PALLD: variants seen among roughly 807,000 people sequenced by gnomAD.
PALLD encodes the protein palladin.
PALLD carries 61 observed loss-of-function variants against 123.5 expected under a neutral mutation model. That is an observed-to-expected ratio of 0.49 (90% CI 0.40 to 0.61). The LOEUF is 0.61. PALLD is among the 20% of genes least tolerant of loss of function. PALLD has a pLI of 0.00. For missense variants in PALLD, 1,273 were observed against 1,377.0 expected, an observed-to-expected ratio of 0.92 and a Z score of 1.20; for synonymous variants, 465 against 496.4, an observed-to-expected ratio of 0.94 and a Z score of 0.84.
chr4:168,600,160 T>A (rs551420487), intron 2 of PALLD, among the ~76,000 whole-genome samples: 148 of 149,332 alleles, frequency 9.9e-4, no homozygotes, highest in Admixed American at 2.2e-3. Flanking sequence ...CTATATAAAC[T>A]GTGTTTGTGT....
chr4:168,713,407 C>T (rs560704375), intron 10 of PALLD, among the ~76,000 whole-genome samples: 1 of 152,210 alleles, frequency 6.6e-6, no homozygotes, highest in Non-Finnish European at 1.5e-5. Flanking sequence ...GGGACCTGCT[C>T]TCCAGGGAGA....
rs189711145 is a variant in PALLD at position 168,657,715 on chromosome 4, G to A, written c.909-10475G>A. ...AATAGGAACAGGCACCTGAGACTAG[G>A]CATGTTCAAAATGGCAGCTCCACCT... On this transcript the variant is annotated intron_variant, in intron 2 of 21. Coordinates refer to ENST00000505667, the MANE Select transcript of PALLD (RefSeq NM_001166108.2). 2.0e-5 allele frequency among the ~76,000 whole-genome samples: 3 copies of A among 152,316 alleles called. No individual in the cohort carries two copies. The East Asian group carries it at 5.8e-4, about 29-fold the overall frequency.
intron 10 of PALLD, among the ~76,000 whole-genome samples, chr4:168,792,803 G>A (rs1446775114): frequency 1.4e-5 from 2 of 148,098 alleles, no homozygotes; most frequent in Non-Finnish European, 3.0e-5. Context: ...GTCTCACTCT[G>A]TCACCCAGGC....
intron 14 of PALLD, among the ~76,000 whole-genome samples, chr4:168,902,163 A>C (rs1361330481): frequency 6.6e-6 from 1 of 152,208 alleles, no homozygotes; most frequent in Non-Finnish European, 1.5e-5. Context: ...CAGACAGTTG[A>C]ATTTGAATGT....
intron 2 of PALLD, among the ~76,000 whole-genome samples, chr4:168,514,871 C>A (rs1762850529): frequency 6.6e-6 from 1 of 152,124 alleles, no homozygotes; most frequent in Admixed American, 6.5e-5. Context: ...TTCACTTAAC[C>A]ATTTGGTGAT....
intron 2 of PALLD, among the ~76,000 whole-genome samples, chr4:168,627,297 G>A (rs1195843995): frequency 6.6e-6 from 1 of 152,114 alleles, no homozygotes; most frequent in Admixed American, 6.5e-5. Flanking sequence ...ATCACCTGAG[G>A]TCAGGAGTTC....
At chr4:168,677,221 G>T (rs1780946930) in intron 3 of PALLD, among the ~76,000 whole-genome samples, 1 of 151,398 alleles carries the variant, frequency 6.6e-6, no homozygotes, top group Admixed American at 6.6e-5. Context: ...GCAGATGACT[G>T]AAGTGGGAAC....
intron 16 of PALLD, among the ~76,000 whole-genome samples, chr4:168,914,357 C>T (rs1455564482): frequency 6.6e-6 from 1 of 152,212 alleles, no homozygotes; most frequent in Admixed American, 6.5e-5. Context: ...GGAAACCAAA[C>T]TTCTGTAACC....
chr4:168,653,631 G>A (rs1406385665), intron 2 of PALLD, among the ~76,000 whole-genome samples: 2 of 152,210 alleles, frequency 1.3e-5, no homozygotes, highest in Non-Finnish European at 2.9e-5. Flanking sequence ...TGATCCACAA[G>A]ACAACCTTTG....
chr4:168,922,102 T>TACACAC lies in PALLD; in HGVS notation c.3058+398_3058+403dup, dbSNP rs35503011. Among the ~76,000 whole-genome samples, 289 of 132,622 alleles carry TACACAC rather than the reference T, an allele frequency of 2.2e-3. 1 individual carries two copies. Among genetic ancestry groups the TACACAC allele is most frequent in the Non-Finnish European group, 3.2e-3 (206 of 63,750 alleles). The allele number at this position is 132,622 out of a possible 152,430, so 87.0% of individuals were successfully genotyped here. A position where few individuals can be genotyped will look rare whatever the true frequency, so the allele number is the denominator to read the frequency against. On this transcript the variant is annotated intron_variant, in intron 18 of 21. Transcript: ENST00000505667. Reference sequence around the variant, plus strand: ...TTTTATATTTATATATATATATATATACACACACACACACACACACACACA... The same window carrying TACACAC: ...TTTTATATTTATATATATATATATATACACACACACACACACACACACACACACACA...
intron 2 of PALLD, among the ~76,000 whole-genome samples, chr4:168,663,579 G>T (rs529126289): frequency 6.6e-6 from 1 of 152,280 alleles, no homozygotes; most frequent in African/African-American, 2.4e-5. Flanking sequence ...CATGCTCCCA[G>T]GAGGGTCTTT....
intron 2 of PALLD, among the ~76,000 whole-genome samples, chr4:168,544,596 A>C (rs1765962076): frequency 1.3e-5 from 2 of 152,262 alleles, no homozygotes; most frequent in Admixed American, 1.3e-4. Context: ...ACTTTTAAAA[A>C]TCATCTTGAA....
chr4:168,778,972 G>C (rs1735534931), intron 10 of PALLD, among the ~76,000 whole-genome samples: 1 of 152,186 alleles, frequency 6.6e-6, no homozygotes. Context: ...AAGAGGTCCT[G>C]CTCTAAACAC....
chr4:168,882,881 G>A (rs915862832), intron 10 of PALLD, among the ~76,000 whole-genome samples: 4 of 152,146 alleles, frequency 2.6e-5, no homozygotes, highest in African/African-American at 9.7e-5. Flanking sequence ...CACGAGGTCA[G>A]GAGATCGAGA....
chr4:168,877,371 CTG>C (rs113362911), intron 10 of PALLD, among the ~76,000 whole-genome samples: 2,363 of 152,274 alleles, frequency 0.016, 61 homozygotes, highest in African/African-American at 0.054. Flanking sequence ...AATGAGAGGA[CTG>C]AGAATTGATG....
At chr4:168,860,618 T>C (rs1749324162) in intron 10 of PALLD, among the ~76,000 whole-genome samples, 1 of 152,010 alleles carries the variant, frequency 6.6e-6, no homozygotes, top group South Asian at 2.1e-4. Context: ...AAGTCAGGAG[T>C]TTGAGGCCAG....
In PALLD at chr4:168,687,409, G is replaced by T. The variant is rs143040646; in HGVS notation, c.1335+1850G>T. ...TTAGAACAGAAAATGTTTACAGAGG[G>T]GTGGACACTCCACATTTAGGATGTA... On this transcript the variant is annotated intron_variant, in intron 6 of 21. Transcript: ENST00000505667. 6.6e-4 allele frequency among the ~76,000 whole-genome samples: 100 copies of T among 152,258 alleles called. 3 individuals are homozygous for T. In the East Asian group the frequency reaches 0.017, roughly 26 times the overall value.
intron 10 of PALLD, among the ~76,000 whole-genome samples, chr4:168,745,167 G>A (rs147989155): frequency 6.6e-6 from 1 of 152,292 alleles, no homozygotes; most frequent in East Asian, 1.9e-4. Context: ...TTACATTAGA[G>A]AAAATTCATG....
At position 168,873,135 on chromosome 4, in the gene PALLD, T is replaced by C. The variant is rs568764268; in HGVS notation, c.1965-17787T>C. Reference sequence around the variant, plus strand: ...CCTAGTATAGGAATGTCCTACTGAATATGCCTGATGAACCCAATGGGGTAC... The same window carrying C: ...CCTAGTATAGGAATGTCCTACTGAACATGCCTGATGAACCCAATGGGGTAC... On this transcript the variant is annotated intron_variant, in intron 10 of 21. Transcript: ENST00000505667. 1.7e-4 allele frequency among the ~76,000 whole-genome samples: 26 copies of C among 152,340 alleles called. No homozygotes were observed. In the South Asian group the frequency reaches 5.2e-3, roughly 30 times the overall value.
Sources: allele counts gnomAD v4.1 joint callset (sites outside exome capture counted in the v4.1 genomes callset), GRCh38; gene constraint gnomAD v4.1.1; transcripts MANE v1.5; gene names NCBI Gene and HGNC (gene_info 2026-07-23, HGNC 2026-07-21).